Variants in PALM2AKAP2 observed in about 807,000 individuals in gnomAD.
PALM2AKAP2 encodes PALM2-AKAP2 fusion protein.
PALM2AKAP2 carries 37 observed loss-of-function variants against 71.5 expected under a neutral mutation model. The observed-to-expected ratio is 0.52, with a 90% CI of 0.40 to 0.68. The LOEUF (loss-of-function observed/expected upper bound fraction) is 0.68, where lower values mean the gene tolerates loss of function less well. Among genes scored for constraint, PALM2AKAP2 ranks in the 30% least tolerant of loss-of-function variants. The pLI, the probability that PALM2AKAP2 is intolerant of heterozygous loss-of-function variation, is 0.00. For synonymous variants in PALM2AKAP2, 468 were observed against 478.8 expected (o/e 0.98, Z 0.29); for missense variants, 1,224 against 1,191.8 (o/e 1.03, Z -0.40).
intron 1 of PALM2AKAP2, among the ~76,000 whole-genome samples, chr9:109,666,530 T>G (rs1827488607): frequency 6.6e-6 from 1 of 152,224 alleles, no homozygotes; most frequent in African/African-American, 2.4e-5. Flanking sequence ...TCACAACCAG[T>G]TAAGCTTATT....
At chr9:109,865,914 C>G in intron 1 of PALM2AKAP2, among the ~76,000 whole-genome samples, 1 of 152,168 alleles carries the variant, frequency 6.6e-6, no homozygotes, top group East Asian at 1.9e-4. Flanking sequence ...CCCACTGTGC[C>G]TCACTTTTCC....
At chr9:110,111,232 C>T (rs1378322160) in intron 1 of PALM2AKAP2, among the ~76,000 whole-genome samples, 3 of 151,528 alleles carry the variant, frequency 2.0e-5, no homozygotes, top group East Asian at 3.9e-4. Flanking sequence ...GCTGGGGTCA[C>T]AGGCATGCAC....
intron 1 of PALM2AKAP2, among the ~76,000 whole-genome samples, chr9:109,759,275 T>C (rs1829013256): frequency 6.6e-6 from 1 of 152,088 alleles, no homozygotes; most frequent in Non-Finnish European, 1.5e-5. Flanking sequence ...CTCTTACACT[T>C]AGATGTGATG....
chr9:109,971,529 G>A (rs1832069062), intron 6 of PALM2AKAP2, among the ~76,000 whole-genome samples: 1 of 152,010 alleles, frequency 6.6e-6, no homozygotes, highest in Non-Finnish European at 1.5e-5. Context: ...GGCTTCAAGC[G>A]ATTCTCCTGT....
intron 1 of PALM2AKAP2, among the ~76,000 whole-genome samples, chr9:109,645,859 T>C (rs1035488831): frequency 6.6e-6 from 1 of 152,136 alleles, no homozygotes; most frequent in Non-Finnish European, 1.5e-5. Flanking sequence ...CAGTATACAA[T>C]ATACCCATGT....
At chr9:109,675,261 G>A (rs1312795728) in intron 1 of PALM2AKAP2, among the ~76,000 whole-genome samples, 1 of 152,082 alleles carries the variant, frequency 6.6e-6, no homozygotes, top group Non-Finnish European at 1.5e-5. Flanking sequence ...GTGGGTGAAT[G>A]CAAGCCCACT....
At chr9:109,857,930 A>C (rs985445711) in intron 1 of PALM2AKAP2, among the ~76,000 whole-genome samples, 3 of 152,230 alleles carry the variant, frequency 2.0e-5, no homozygotes, top group Non-Finnish European at 4.4e-5. Context: ...CATTGGGATT[A>C]TTAGGTTCAA....
intron 1 of PALM2AKAP2, among the ~76,000 whole-genome samples, chr9:109,822,961 G>C (rs16914525): frequency 1.3e-5 from 2 of 152,082 alleles, no homozygotes; most frequent in African/African-American, 2.4e-5. Context: ...GCCATAGTCC[G>C]CCTCTGTATT....
chr9:110,003,963 T>C (rs1832729267), intron 6 of PALM2AKAP2, among the ~76,000 whole-genome samples: 1 of 152,212 alleles, frequency 6.6e-6, no homozygotes, highest in African/African-American at 2.4e-5. Flanking sequence ...AGCACACTGA[T>C]GGGTCTTGAC....
chr9:110,050,132 G>A (rs1232567171), intron 1 of PALM2AKAP2, among the ~76,000 whole-genome samples: 1 of 152,210 alleles, frequency 6.6e-6, no homozygotes, highest in Non-Finnish European at 1.5e-5. Context: ...CTTCCTAAAT[G>A]TATAATATTT....
intron 1 of PALM2AKAP2, among the ~76,000 whole-genome samples, chr9:109,804,193 T>C (rs1460296897): frequency 6.6e-6 from 1 of 152,180 alleles, no homozygotes; most frequent in Non-Finnish European, 1.5e-5. Flanking sequence ...ACCTCATCAC[T>C]GGAGAAAACA....
intron 1 of PALM2AKAP2, among the ~76,000 whole-genome samples, chr9:109,862,350 A>G (rs1411460690): frequency 6.6e-6 from 1 of 152,172 alleles, no homozygotes; most frequent in Non-Finnish European, 1.5e-5. Context: ...GACTCAAACA[A>G]TGTAGTAGGA....
chr9:109,728,826 C>A (rs1025253427), intron 1 of PALM2AKAP2, among the ~76,000 whole-genome samples: 2 of 152,134 alleles, frequency 1.3e-5, no homozygotes. Flanking sequence ...ACACTCACCC[C>A]CTATTTCCTC....
intron 1 of PALM2AKAP2, among the ~76,000 whole-genome samples, chr9:109,781,551 A>G (rs1451080864): frequency 6.6e-6 from 1 of 152,200 alleles, no homozygotes; most frequent in Non-Finnish European, 1.5e-5. Flanking sequence ...GAACCAAAGT[A>G]TATTAAAGCG....
intron 1 of PALM2AKAP2, among the ~76,000 whole-genome samples, chr9:109,833,540 G>A (rs1378505428): frequency 1.3e-5 from 2 of 152,130 alleles, no homozygotes; most frequent in Non-Finnish European, 2.9e-5. Context: ...GGCCCAGTCA[G>A]CGGTCCCAGC....
intron 3 of PALM2AKAP2, among the ~76,000 whole-genome samples, chr9:109,906,023 G>A (rs1307235217): frequency 8.0e-6 from 1 of 125,736 alleles, no homozygotes; most frequent in African/African-American, 2.6e-5. Flanking sequence ...AGTTTACGTT[G>A]CATTTCCTTC....
At chr9:110,134,651 A>T (rs1160977601) in intron 1 of PALM2AKAP2, among the ~76,000 whole-genome samples, 1 of 152,248 alleles carries the variant, frequency 6.6e-6, no homozygotes, top group East Asian at 1.9e-4. Flanking sequence ...GAACAAATCC[A>T]TAATTATCCA....
intron 6 of PALM2AKAP2, chr9:109,943,231 G>A: frequency 1.2e-6 from 2 of 1,614,196 alleles, no homozygotes; most frequent in Non-Finnish European, 1.7e-6. Flanking sequence ...TGAAGATGAT[G>A]AGAAGTCATT....
Position 110,156,509 on chromosome 9 carries a change from C to T in PALM2AKAP2, c.2748+12C>T, listed in dbSNP as rs868769989. 1 of 1,585,680 alleles carries T rather than the reference C, an allele frequency of 6.3e-7. No individual in the cohort carries two copies. Among genetic ancestry groups the T allele is most frequent in the South Asian group, 1.2e-5 (1 of 86,524 alleles). ...TGGATGATAGTAGTGTAAGTTTTTC[C>T]TCCTTTCCTCTTTCACTTCTCTGAG... On this transcript the variant is annotated intron_variant, in intron 3 of 3. Coordinates refer to ENST00000374525, the Ensembl canonical transcript of PALM2AKAP2.
Sources: allele counts gnomAD v4.1 joint callset (sites outside exome capture counted in the v4.1 genomes callset), GRCh38; gene constraint gnomAD v4.1.1; transcripts MANE v1.5; gene names NCBI Gene and HGNC (gene_info 2026-07-23, HGNC 2026-07-21).